ADA: variants seen among roughly 807,000 people sequenced by gnomAD.
The protein encoded by ADA is adenosine aminohydrolase.
In ADA, 45 loss-of-function variants were observed where a neutral mutation model predicts 49.0. The ratio of observed to expected loss-of-function variants is 0.92; its 90% confidence interval spans 0.72 to 1.18. The LOEUF is 1.18. Ranked by LOEUF, ADA falls within the 50% of genes most tolerant of loss-of-function variation. ADA has a pLI of 0.00. For missense variants in ADA, 445 were observed against 472.5 expected (o/e 0.94, Z 0.54); for synonymous variants, 173 against 184.2 (o/e 0.94, Z 0.49).
At chr20:44,646,532 G>A (rs189929724) in intron 1 of ADA, among the ~76,000 whole-genome samples, 26 of 150,976 alleles carry the variant, frequency 1.7e-4, no homozygotes, top group Non-Finnish European at 2.5e-4. Flanking sequence ...CCAGTCCCCA[G>A]GAAGGAAACG....
intron 1 of ADA, among the ~76,000 whole-genome samples, chr20:44,637,549 T>C (rs1194163219): frequency 2.6e-5 from 4 of 152,142 alleles, no homozygotes; most frequent in Non-Finnish European, 4.4e-5. Context: ...CAGAAAACTC[T>C]CAGCTGACAT....
intron 2 of ADA, among the ~76,000 whole-genome samples, chr20:44,633,064 G>A (rs1233085093): frequency 6.6e-5 from 10 of 152,192 alleles, no homozygotes; most frequent in Admixed American, 3.9e-4. Context: ...GTCCTCTTCC[G>A]GCCTTGGTGG....
chr20:44,648,585 T>C (rs1195037331), intron 1 of ADA, among the ~76,000 whole-genome samples: 1 of 152,032 alleles, frequency 6.6e-6, no homozygotes, highest in African/African-American at 2.4e-5. Flanking sequence ...TTGCGGTTCT[T>C]CTGCTCAGTC....
Position 44,621,049 on chromosome 20 carries a change from A to G in ADA, c.944T>C (p.Met315Thr), listed in dbSNP as rs758501653. ...TTTAAACTCCTCTTCAGTAAAGCCC[A>G]TGTCCCGTTTGGTCATCTGGTAATC... Reference protein sequence around the residue: ...DTDYQMTKRDMGFTEEEFKRL... With the variant: ...DTDYQMTKRDTGFTEEEFKRL... Residue 315 changes from methionine (M) to threonine (T), a missense_variant, in exon 10 of 12, where the codon ATG becomes ACG. Transcript: ENST00000372874. 1.9e-6 allele frequency: 3 copies of G among 1,614,128 alleles called. No homozygotes were observed. The highest frequency in any genetic ancestry group is 1.1e-5 in the South Asian group (1 of 91,074).
chr20:44,625,501 C>G, intron 5 of ADA, 68 bp downstream of exon 5: 1 of 1,420,542 alleles, frequency 7.0e-7, no homozygotes. Flanking sequence ...TACAGCCCCA[C>G]TGCTAGGCCA....
intron 1 of ADA, among the ~76,000 whole-genome samples, chr20:44,645,903 G>C (rs2065586884): frequency 6.6e-6 from 1 of 152,148 alleles, no homozygotes; most frequent in Admixed American, 6.5e-5. Context: ...CTGGTCACTA[G>C]GAGTGCAGAG....
intron 1 of ADA, among the ~76,000 whole-genome samples, chr20:44,649,027 T>C (rs927833472): frequency 6.6e-6 from 1 of 152,090 alleles, no homozygotes; most frequent in African/African-American, 2.4e-5. Context: ...CTGGCACCTC[T>C]ATCCCCAAAG....
chr20:44,627,375 G>T (rs1018729997), intron 3 of ADA, among the ~76,000 whole-genome samples: 1 of 152,046 alleles, frequency 6.6e-6, no homozygotes, highest in Non-Finnish European at 1.5e-5. Context: ...TAGAGACAGC[G>T]TTTCGCTGTG....
In ADA at chr20:44,650,959, A is replaced by T. The variant is rs543246399; in HGVS notation, c.33+616T>A. On this transcript the variant is annotated intron_variant, in intron 1 of 11. Coordinates refer to ENST00000372874, the MANE Select transcript of ADA (RefSeq NM_000022.4). ...AACAAGGGGATTCTCCCCTGGGGCC[A>T]GTGGCCATGGCTTGGCCTCGAGTGA... Among the ~76,000 whole-genome samples, 668 of 152,308 alleles carry T rather than the reference A, an allele frequency of 4.4e-3. 4 individuals carry two copies. Among genetic ancestry groups the T allele is most frequent in the Non-Finnish European group, 7.3e-3 (499 of 68,008 alleles).
chr20:44,650,159 C>T (rs556003151), intron 1 of ADA, among the ~76,000 whole-genome samples: 2 of 152,318 alleles, frequency 1.3e-5, no homozygotes, highest in East Asian at 3.9e-4. Context: ...AATCATGGGC[C>T]CCAGCTCCAG....
intron 1 of ADA, among the ~76,000 whole-genome samples, chr20:44,642,696 G>A (rs937654004): frequency 7.2e-5 from 11 of 152,182 alleles, no homozygotes; most frequent in African/African-American, 2.2e-4. Flanking sequence ...AACCTTTCCC[G>A]GCTGCTGTGT....
intron 2 of ADA, among the ~76,000 whole-genome samples, chr20:44,631,753 C>T (rs1046712053): frequency 1.3e-5 from 2 of 152,210 alleles, no homozygotes; most frequent in Non-Finnish European, 2.9e-5. Flanking sequence ...AGCTCCGGAT[C>T]CAGAGGTCCA....
intron 1 of ADA, among the ~76,000 whole-genome samples, chr20:44,638,255 T>C (rs2065498548): frequency 6.6e-6 from 1 of 152,178 alleles, no homozygotes; most frequent in African/African-American, 2.4e-5. Context: ...TCTTGGCACA[T>C]AGCAAATGCT....
rs267606634 is a variant in ADA at position 44,626,528 on chromosome 20, T to C, written c.290A>G (p.Tyr97Cys). 1.9e-6 allele frequency: 3 copies of C among 1,614,156 alleles called. No individual in the cohort carries two copies. The highest frequency in any genetic ancestry group is 2.2e-5 in the East Asian group (1 of 44,874). ...GTGCGGACTGTACCGCACCTCCACA[T>C]ACACCACGCCCTCTTTGGCCTTCAT... ...VEMKAKEGVV[Y>C]VEVRYSPHLL... The change falls in exon 4 of 12, where the codon TAT becomes TGT. Residue 97 changes from tyrosine (Y) to cysteine (C), a missense_variant. Transcript: ENST00000372874.
At chr20:44,636,956 C>G (rs1357918568) in intron 1 of ADA, among the ~76,000 whole-genome samples, 1 of 152,084 alleles carries the variant, frequency 6.6e-6, no homozygotes, top group Non-Finnish European at 1.5e-5. Context: ...TAGGCAGGTG[C>G]CACCACGCCC....
In ADA at chr20:44,625,654, G is replaced by A; in HGVS notation, c.393C>T (p.Ala131=). ...CCTCCTGCAGGCCCTGGCCCACTAG[G>A]GCCACCACCTCGTCTGGGGTGAGGT... ...EGDLTPDEVV[A]LVGQGLQEGE... is the part of the protein sequence containing the mutation. The change falls in exon 5 of 12, where the codon GCC becomes GCT. Residue 131 remains alanine (A), a synonymous_variant. Transcript: ENST00000372874. 1.3e-6 allele frequency: 2 copies of A among 1,573,076 alleles called. No homozygotes were observed. Among genetic ancestry groups the A allele is most frequent in the Non-Finnish European group, 1.7e-6 (2 of 1,158,392 alleles).
intron 1 of ADA, among the ~76,000 whole-genome samples, chr20:44,637,050 C>A (rs2065487502): frequency 6.6e-6 from 1 of 152,178 alleles, no homozygotes; most frequent in African/African-American, 2.4e-5. Context: ...AGGTGTCCAC[C>A]CACCTCAGCC....
At chr20:44,634,794 C>T (rs758158906) in intron 2 of ADA, among the ~76,000 whole-genome samples, 7 of 152,180 alleles carry the variant, frequency 4.6e-5, no homozygotes, top group Admixed American at 2.6e-4. Flanking sequence ...GGGGGCAACC[C>T]CCCGGGATCC....
At chr20:44,632,056 T>G (rs2065438620) in intron 2 of ADA, among the ~76,000 whole-genome samples, 1 of 152,168 alleles carries the variant, frequency 6.6e-6, no homozygotes, top group African/African-American at 2.4e-5. Flanking sequence ...TCCTCTTCGA[T>G]TCTTCTTCTC....
Sources: allele counts gnomAD v4.1 joint callset (sites outside exome capture counted in the v4.1 genomes callset), GRCh38; gene constraint gnomAD v4.1.1; transcripts MANE v1.5; gene names NCBI Gene and HGNC (gene_info 2026-07-23, HGNC 2026-07-21).